The following KIAA0319 variants were observed in gnomAD, a reference collection of about 807,000 sequenced individuals.
KIAA0319 encodes KIAA0319.
Under a neutral mutation model 108.4 loss-of-function variants are expected in KIAA0319, and 83 were observed. The observed-to-expected ratio is 0.77, with a 90% confidence interval of 0.64 to 0.92. The LOEUF is 0.92. Ranked by LOEUF, KIAA0319 falls within the 40% of genes least tolerant of loss-of-function variation. The probability of loss-of-function intolerance (pLI) is 0.00; values close to 1 mark genes in which losing one functional copy is unlikely to be tolerated. For missense variants in KIAA0319, 1,195 were observed against 1,322.4 expected (o/e 0.90, Z 1.49); for synonymous variants, 484 against 510.4 (o/e 0.95, Z 0.70).
chr6:24,558,368 G>T (rs2817258), intron 17 of KIAA0319, among the ~76,000 whole-genome samples: 3 of 31,572 alleles, frequency 9.5e-5, no homozygotes, highest in Admixed American at 4.8e-4. Flanking sequence ...TATATATCTA[G>T]ATAGATAGAT....
rs1354661323 is a variant in KIAA0319, at chr6:24,596,084, G to A, written c.590C>T (p.Ser197Phe). ...CACCGCAGGACTGTCTCCAACAGAG[G>A]AGTTGAAGGCCCCCTCGCTGCCCGG... ...LLPGSEGAFN[S>F]SVGDSPAVPA... is the part of the protein sequence containing the mutation. The change falls in exon 3 of 21, where the codon TCC becomes TTC. Residue 197 changes from serine (S) to phenylalanine (F), a missense_variant. By Grantham distance (155) the Ser-to-Phe change is radical (BLOSUM62 -2). Transcript: ENST00000378214. The A allele has an allele frequency of 6.2e-7, 1 of 1,614,072 alleles. No homozygotes were observed. The highest frequency in any genetic ancestry group is 8.5e-7 in the Non-Finnish European group (1 of 1,179,938).
chr6:24,622,416 C>A (rs1774103364), intron 1 of KIAA0319, among the ~76,000 whole-genome samples: 2 of 149,560 alleles, frequency 1.3e-5, no homozygotes, highest in East Asian at 2.0e-4. Flanking sequence ...CAATTAATAT[C>A]AATAATTAAA....
At chr6:24,636,857 G>T (rs954008696) in intron 1 of KIAA0319, among the ~76,000 whole-genome samples, 2 of 151,444 alleles carry the variant, frequency 1.3e-5, no homozygotes, top group African/African-American at 4.9e-5. Flanking sequence ...GAAGAGAACA[G>T]ATAATAAACA....
intron 1 of KIAA0319, among the ~76,000 whole-genome samples, chr6:24,633,327 G>T (rs887902994): frequency 2.0e-5 from 3 of 152,108 alleles, no homozygotes; most frequent in Non-Finnish European, 4.4e-5. Flanking sequence ...TGACAGAGAA[G>T]CTCTTTTTAA....
Position 24,580,959 on chromosome 6 carries a change from C to T in KIAA0319, c.1246G>A (p.Gly416Arg), listed in dbSNP as rs1470502810. The stretch of plus-strand genomic sequence containing the variant: ...ACAGTGACATTGACAAATCCTTCTC[C>T]AAAGGCGTTTTCACTAGAAACAGTG... ...KVTVSSENAF[G>R]EGFVNVTVKP... The change falls in exon 7 of 21, where the codon GGA becomes AGA. Residue 416 changes from glycine to arginine, a missense_variant. Gly to Arg is a moderately radical substitution (Grantham distance 125). Transcript: ENST00000378214. 3.1e-6 allele frequency: 5 copies of T among 1,612,812 alleles called. No individual in the cohort carries two copies. In the Admixed American group the frequency reaches 6.7e-5, roughly 22 times the overall value.
chr6:24,553,335 A>ACACACACACACG (rs1215978157), intron 19 of KIAA0319, among the ~76,000 whole-genome samples: 2 of 83,778 alleles, frequency 2.4e-5, no homozygotes, highest in Non-Finnish European at 2.8e-5. Flanking sequence ...ACACACACAC[A>ACACACACACACG]CGCACATATA....
At chr6:24,613,292 T>TG (rs1772647702) in intron 1 of KIAA0319, among the ~76,000 whole-genome samples, 1 of 151,956 alleles carries the variant, frequency 6.6e-6, no homozygotes, top group Admixed American at 6.6e-5. Context: ...ATGAACAGGG[T>TG]GGGCAGACTT....
Position 24,596,384 on chromosome 6 carries a change from C to T in KIAA0319, c.290G>A (p.Arg97Lys), listed in dbSNP as rs1438129410. The T allele has an allele frequency of 2.5e-6, 4 of 1,614,114 alleles. No individual in the cohort carries two copies. In the East Asian group the frequency reaches 8.9e-5, roughly 36 times the overall value. ...NCEPKKMGPI[R>K]SYLTFVLRPV... The stretch of plus-strand genomic sequence containing the variant: ...CCGGAGCACAAAAGTGAGATAAGAC[C>T]TGATGGGGCCCATCTTCTTGGGCTC... Residue 97 changes from arginine (R) to lysine (K), a missense_variant, in exon 3 of 21, where the codon AGG becomes AAG. Physicochemically the swap from Arg to Lys is conservative, Grantham distance 26. Transcript: ENST00000378214.
chr6:24,630,675 GTATATGTGTATATA>G (rs1293220864), intron 1 of KIAA0319, among the ~76,000 whole-genome samples: 1 of 103,504 alleles, frequency 9.7e-6, no homozygotes, highest in African/African-American at 5.3e-5. Flanking sequence ...TCAATTGTGT[GTATATGTGTATATA>G]TATATATATA....
chr6:24,614,321 T>C (rs557461264), intron 1 of KIAA0319, among the ~76,000 whole-genome samples: 46 of 152,208 alleles, frequency 3.0e-4, no homozygotes, highest in African/African-American at 1.1e-3. Flanking sequence ...CAGTGCTCTC[T>C]CCCATACCCT....
At chr6:24,585,653 T>C (rs1261107609) in intron 4 of KIAA0319, among the ~76,000 whole-genome samples, 2 of 152,206 alleles carry the variant, frequency 1.3e-5, no homozygotes, top group Non-Finnish European at 2.9e-5. Flanking sequence ...GAAAGACTGA[T>C]CAAAGACTCA....
intron 10 of KIAA0319, among the ~76,000 whole-genome samples, chr6:24,574,800 G>GA (rs3838253): frequency 0.087 from 13,070 of 150,478 alleles, 613 homozygotes; most frequent in South Asian, 0.15. Context: ...AAGAACTTTT[G>GA]AAAAAAAAAT....
rs149329903 is a variant in KIAA0319, at chr6:24,559,304, A to G, written c.2592-149T>C. ...AGGACAGGGGCGTATCTGTGAGCCAAGGAATTGATGTTTCTATTCACAAAG... is the reference window on the plus strand; with the variant it reads ...AGGACAGGGGCGTATCTGTGAGCCAGGGAATTGATGTTTCTATTCACAAAG... On this transcript the variant is annotated intron_variant, in intron 16 of 20. Transcript: ENST00000378214. 584 of 753,982 alleles carry G rather than the reference A, an allele frequency of 7.7e-4. 5 individuals carry two copies. The African/African-American group carries it at 9.4e-3, about 12-fold the overall frequency. 46.7% of individuals were successfully genotyped at this position (753,982 alleles called of 1,614,324 possible). A position where few individuals can be genotyped will look rare whatever the true frequency, so the allele number is the denominator to read the frequency against.
chr6:24,630,018 A>G (rs532699987), intron 1 of KIAA0319, among the ~76,000 whole-genome samples: 15 of 152,182 alleles, frequency 9.9e-5, no homozygotes, highest in African/African-American at 3.4e-4. Context: ...ATCTCTACTA[A>G]AAATACAAAA....
chr6:24,623,355 A>G (rs1197869960), intron 1 of KIAA0319, among the ~76,000 whole-genome samples: 2 of 152,160 alleles, frequency 1.3e-5, no homozygotes, highest in Admixed American at 6.5e-5. Context: ...AAGAACAGAG[A>G]CAATAGAGGG....
intron 15 of KIAA0319, 98 bp from the exon 16 acceptor site, chr6:24,563,616 T>C (rs1763412887): frequency 1.8e-6 from 2 of 1,121,998 alleles, no homozygotes; most frequent in South Asian, 1.9e-5. Flanking sequence ...GTTACTCCTA[T>C]GCCATTTCTA....
intron 2 of KIAA0319, chr6:24,600,541 G>T: frequency 1.3e-6 from 1 of 780,320 alleles, no homozygotes; most frequent in South Asian, 1.5e-5. Context: ...TCTTCATTAT[G>T]GCTGTGTTAC....
At chr6:24,562,323 C>T (rs931074238) in intron 16 of KIAA0319, among the ~76,000 whole-genome samples, 5 of 151,980 alleles carry the variant, frequency 3.3e-5, no homozygotes, top group Admixed American at 1.3e-4. Flanking sequence ...TTATATTTTA[C>T]GAGGGAAATA....
intron 4 of KIAA0319, among the ~76,000 whole-genome samples, chr6:24,588,253 A>G (rs1767870051): frequency 6.6e-6 from 1 of 151,984 alleles, no homozygotes; most frequent in South Asian, 2.1e-4. Context: ...TTGCTGGCTC[A>G]CTCTATCCTA....
Sources: allele counts gnomAD v4.1 joint callset (sites outside exome capture counted in the v4.1 genomes callset), GRCh38; gene constraint gnomAD v4.1.1; transcripts MANE v1.5; gene names NCBI Gene and HGNC (gene_info 2026-07-23, HGNC 2026-07-21).